NKAIN3: variants seen among roughly 807,000 people sequenced by gnomAD.
NKAIN3 encodes the protein sodium/potassium transporting ATPase interacting 3.
A neutral mutation model predicts 30.2 loss-of-function variants in NKAIN3; 25 were observed. That is an observed-to-expected ratio of 0.83 (90% CI 0.60 to 1.16). The LOEUF is 1.16. Among genes scored for constraint, NKAIN3 ranks in the 50% most tolerant of loss-of-function variants. The pLI, the probability that NKAIN3 is intolerant of heterozygous loss-of-function variation, is 0.00. For missense variants in NKAIN3, 225 were observed against 254.1 expected, an observed-to-expected ratio of 0.89 and a Z score of 0.78; for synonymous variants, 91 against 89.6, an observed-to-expected ratio of 1.02 and a Z score of -0.09.
chr8:62,709,916 T>G (rs1563526409), intron 3 of NKAIN3, among the ~76,000 whole-genome samples: 1 of 152,094 alleles, frequency 6.6e-6, no homozygotes. Context: ...TTTGATAGGT[T>G]GTGTCATTGT....
At chr8:62,257,104 T>C (rs1812286101) in intron 1 of NKAIN3, among the ~76,000 whole-genome samples, 1 of 152,186 alleles carries the variant, frequency 6.6e-6, no homozygotes, top group Non-Finnish European at 1.5e-5. Context: ...TGGCAAGACA[T>C]TTGAAATTTA....
intron 1 of NKAIN3, among the ~76,000 whole-genome samples, chr8:62,382,757 G>T (rs1445460645): frequency 6.6e-6 from 1 of 152,044 alleles, no homozygotes; most frequent in Non-Finnish European, 1.5e-5. Context: ...CTCTGGTGTG[G>T]TGGCTGTTAG....
chr8:62,345,843 T>G (rs575560425), intron 1 of NKAIN3, among the ~76,000 whole-genome samples: 55 of 152,138 alleles, frequency 3.6e-4, no homozygotes, highest in Non-Finnish European at 5.2e-4. Flanking sequence ...TGTGTGTATG[T>G]GTGTATGTTT....
chr8:62,940,465 C>T (rs566994106), intron 5 of NKAIN3, among the ~76,000 whole-genome samples: 2 of 152,208 alleles, frequency 1.3e-5, no homozygotes, highest in East Asian at 1.9e-4. Flanking sequence ...GCAGAATAGA[C>T]ATTCTATTCA....
chr8:62,826,854 C>T (rs1208451395), intron 4 of NKAIN3, among the ~76,000 whole-genome samples: 1 of 152,172 alleles, frequency 6.6e-6, no homozygotes, highest in African/African-American at 2.4e-5. Flanking sequence ...TTGTAATGAA[C>T]TATAGTCATT....
intron 1 of NKAIN3, among the ~76,000 whole-genome samples, chr8:62,569,355 T>C (rs948040766): frequency 1.1e-4 from 16 of 152,318 alleles, no homozygotes; most frequent in Non-Finnish European, 1.9e-4. Context: ...CATGCTGATG[T>C]ACATAGAAGT....
chr8:62,421,566 T>C (rs560760638), intron 1 of NKAIN3, among the ~76,000 whole-genome samples: 2 of 152,124 alleles, frequency 1.3e-5, no homozygotes, highest in South Asian at 4.1e-4. Flanking sequence ...CTGTATTAGC[T>C]GAAAATGCTG....
chr8:62,900,648 T>C (rs934357137), intron 4 of NKAIN3, among the ~76,000 whole-genome samples: 5 of 152,190 alleles, frequency 3.3e-5, no homozygotes, highest in African/African-American at 1.2e-4. Flanking sequence ...TTCAAAATAG[T>C]ATCCAACTAA....
chr8:62,742,404 T>C (rs918276041), intron 3 of NKAIN3, among the ~76,000 whole-genome samples: 6 of 152,176 alleles, frequency 3.9e-5, no homozygotes, highest in African/African-American at 1.4e-4. Flanking sequence ...GGGACATCAT[T>C]GTAAATTTAT....
At chr8:62,251,034 A>G (rs1417289319) in intron 1 of NKAIN3, among the ~76,000 whole-genome samples, 1 of 152,226 alleles carries the variant, frequency 6.6e-6, no homozygotes, top group African/African-American at 2.4e-5. Context: ...GCAAGTTCTT[A>G]GAGCTCATAT....
At chr8:62,897,083 ACAAACT>A (rs1821450581) in intron 4 of NKAIN3, among the ~76,000 whole-genome samples, 1 of 152,132 alleles carries the variant, frequency 6.6e-6, no homozygotes, top group African/African-American at 2.4e-5. Flanking sequence ...CATACTGGAG[ACAAACT>A]CAATAGAGCA....
intron 3 of NKAIN3, among the ~76,000 whole-genome samples, chr8:62,714,815 G>A (rs1054942835): frequency 2.0e-5 from 3 of 152,152 alleles, no homozygotes; most frequent in South Asian, 2.1e-4. Flanking sequence ...GCTAAAATAC[G>A]ATGCTTGGAT....
intron 3 of NKAIN3, among the ~76,000 whole-genome samples, chr8:62,660,061 G>T (rs886380759): frequency 6.6e-6 from 1 of 152,074 alleles, no homozygotes; most frequent in Admixed American, 6.5e-5. Context: ...AATATACTTG[G>T]TGAATGCCTC....
Position 62,969,892 on chromosome 8 carries a change from C to A in NKAIN3, c.*4485C>A, listed in dbSNP as rs575566208. Among the ~76,000 whole-genome samples the A allele has an allele frequency of 5.9e-5, 9 of 152,060 alleles. No homozygotes were observed. The highest frequency in any genetic ancestry group is 2.2e-4 in the African/African-American group (9 of 41,476). ...ACTCTTCATATAACTGCACAGTGAA[C>A]AATTTAGAAAGGGAACAGATGACCA... On this transcript the variant is annotated 3_prime_UTR_variant, in exon 7 of 7. Coordinates refer to ENST00000623646, the MANE Select transcript of NKAIN3 (RefSeq NM_001304533.3).
chr8:62,625,630 A>G (rs780941154), intron 3 of NKAIN3, among the ~76,000 whole-genome samples: 11 of 152,144 alleles, frequency 7.2e-5, no homozygotes, highest in Non-Finnish European at 1.0e-4. Flanking sequence ...AAATGTGACA[A>G]TAATTCTGAC....
At chr8:62,423,822 T>A (rs1393791261) in intron 1 of NKAIN3, among the ~76,000 whole-genome samples, 2 of 152,012 alleles carry the variant, frequency 1.3e-5, no homozygotes. Context: ...TTCTAACATA[T>A]CTTATACTAA....
At chr8:62,895,591 G>C (rs955026210) in intron 4 of NKAIN3, among the ~76,000 whole-genome samples, 8 of 152,166 alleles carry the variant, frequency 5.3e-5, no homozygotes, top group African/African-American at 1.9e-4. Flanking sequence ...GAGTCTGTTA[G>C]GAGCCTTCTC....
Position 62,554,189 on chromosome 8 carries a change from A to C in NKAIN3, c.55-25350A>C, listed in dbSNP as rs1585939436. ...ACACTTATGGCCTCATGATAGAATA[A>C]TTTTTCTGTACATCACTACTGTTAA... On this transcript the variant is annotated intron_variant, in intron 1 of 6. Coordinates refer to ENST00000623646, the MANE Select transcript of NKAIN3 (RefSeq NM_001304533.3). Among the ~76,000 whole-genome samples the C allele has an allele frequency of 2.0e-5, 3 of 152,314 alleles. 1 individual carries two copies. Among genetic ancestry groups the C allele is most frequent in the Admixed American group, 2.0e-4 (3 of 15,300 alleles).
In NKAIN3 at chr8:62,970,266, G is replaced by T. The variant is rs557570683; in HGVS notation, c.*4859G>T. 3.6e-4 allele frequency among the ~76,000 whole-genome samples: 55 copies of T among 151,634 alleles called. No individual in the cohort carries two copies. Among genetic ancestry groups the T allele is most frequent in the Admixed American group, 1.2e-3 (18 of 15,230 alleles). Reference sequence around the variant, plus strand: ...AGATATGTTTTAATTATTAGAAGAAGGTATTTATCAATAAAGAATTCTCAA... The same window carrying T: ...AGATATGTTTTAATTATTAGAAGAATGTATTTATCAATAAAGAATTCTCAA... On this transcript the variant is annotated 3_prime_UTR_variant, in exon 7 of 7. Transcript: ENST00000623646.
Sources: gnomAD v4.1 joint callset for allele counts (sites outside exome capture counted in the v4.1 genomes callset) on GRCh38, gnomAD v4.1.1 for gene constraint, MANE v1.5 for transcripts, NCBI Gene and HGNC (gene_info 2026-07-23, HGNC 2026-07-21) for gene names.